TMEFF2: variants seen among roughly 807,000 people sequenced by gnomAD.
The protein encoded by TMEFF2 is transmembrane protein with EGF like and two follistatin like domains 2.
TMEFF2 carries 28 observed loss-of-function variants against 53.8 expected under a neutral mutation model. The observed-to-expected ratio is 0.52, with a 90% CI of 0.39 to 0.71. The LOEUF is 0.71. Ranked by LOEUF, TMEFF2 falls within the 30% of genes least tolerant of loss-of-function variation. TMEFF2 has a pLI of 0.00. For missense variants in TMEFF2, 353 were observed against 455.2 expected, an observed-to-expected ratio of 0.78 and a Z score of 2.04; for synonymous variants, 162 against 166.3, an observed-to-expected ratio of 0.97 and a Z score of 0.20.
chr2:192,008,121 T>C (rs1686544665), intron 5 of TMEFF2, among the ~76,000 whole-genome samples: 1 of 152,196 alleles, frequency 6.6e-6, no homozygotes, highest in Admixed American at 6.5e-5. Context: ...ATCACAACAG[T>C]GACAGCATGC....
intron 7 of TMEFF2, among the ~76,000 whole-genome samples, chr2:191,979,759 A>G (rs921485309): frequency 6.6e-6 from 1 of 152,038 alleles, no homozygotes; most frequent in African/African-American, 2.4e-5. Context: ...GAGATAAAAA[A>G]AAAAAATTAA....
At chr2:192,055,208 T>C (rs930566703) in intron 5 of TMEFF2, among the ~76,000 whole-genome samples, 18 of 152,204 alleles carry the variant, frequency 1.2e-4, no homozygotes, top group African/African-American at 4.3e-4. Context: ...CTTGATCTTA[T>C]GACTACAGAA....
chr2:192,002,872 G>T (rs1686402776), intron 5 of TMEFF2, among the ~76,000 whole-genome samples: 1 of 152,064 alleles, frequency 6.6e-6, no homozygotes, highest in Non-Finnish European at 1.5e-5. Context: ...GAAGCTTGGG[G>T]AAAAGGAAAT....
intron 5 of TMEFF2, chr2:192,031,645 G>A (rs1687140522): frequency 6.6e-6 from 1 of 152,192 alleles, no homozygotes; most frequent in Admixed American, 6.5e-5. Flanking sequence ...TAGAGAGGCT[G>A]AGGTTCAGAG....
intron 3 of TMEFF2, among the ~76,000 whole-genome samples, chr2:192,180,949 A>C (rs991497087): frequency 6.6e-6 from 1 of 151,844 alleles, no homozygotes; most frequent in East Asian, 1.9e-4. Context: ...TCAATTAACT[A>C]TTAATGTGAC....
intron 4 of TMEFF2, among the ~76,000 whole-genome samples, chr2:192,127,145 T>C (rs1689696856): frequency 6.6e-6 from 1 of 152,150 alleles, no homozygotes; most frequent in Non-Finnish European, 1.5e-5. Flanking sequence ...CCCCAAGTCA[T>C]GAAAGAATCT....
intron 5 of TMEFF2, among the ~76,000 whole-genome samples, chr2:192,035,675 C>T (rs1258192361): frequency 6.6e-6 from 1 of 152,202 alleles, no homozygotes; most frequent in Non-Finnish European, 1.5e-5. Context: ...TCTCATTCCT[C>T]AGTCCCAAAT....
At chr2:192,055,774 CAAA>C (rs71405038) in intron 5 of TMEFF2, among the ~76,000 whole-genome samples, 24 of 42,492 alleles carry the variant, frequency 5.6e-4, no homozygotes, top group South Asian at 2.6e-3. Context: ...GACTCCATCT[CAAA>C]AAAAAAAAAA....
At chr2:191,982,690 GT>G (rs1685882959) in intron 7 of TMEFF2, among the ~76,000 whole-genome samples, 1 of 152,022 alleles carries the variant, frequency 6.6e-6, no homozygotes, top group Non-Finnish European at 1.5e-5. Context: ...TATTGCTTGA[GT>G]TTCTCATGCT....
At chr2:192,054,096 C>T (rs1281714241) in intron 5 of TMEFF2, among the ~76,000 whole-genome samples, 2 of 151,892 alleles carry the variant, frequency 1.3e-5, no homozygotes, top group African/African-American at 4.8e-5. Context: ...CTAATCTTCA[C>T]AGCCGTGGCC....
At chr2:192,101,591 T>C (rs1574373459) in intron 4 of TMEFF2, among the ~76,000 whole-genome samples, 5 of 152,230 alleles carry the variant, frequency 3.3e-5, no homozygotes, top group African/African-American at 1.2e-4. Flanking sequence ...CTTTAGGTAC[T>C]GTTATTTTAT....
chr2:192,170,100 T>C (rs2106022474), intron 4 of TMEFF2, among the ~76,000 whole-genome samples: 1 of 152,230 alleles, frequency 6.6e-6, no homozygotes, highest in East Asian at 1.9e-4. Context: ...TACAGTTGTC[T>C]TTTGAGTAAC....
chr2:192,041,298 T>C (rs1018447255), intron 5 of TMEFF2, among the ~76,000 whole-genome samples: 1 of 152,296 alleles, frequency 6.6e-6, no homozygotes, highest in Admixed American at 6.5e-5. Context: ...AATTTAAGAA[T>C]AGACAAATGA....
chr2:191,976,100 C>G (rs117382717), intron 7 of TMEFF2, among the ~76,000 whole-genome samples: 1 of 152,060 alleles, frequency 6.6e-6, no homozygotes, highest in Non-Finnish European at 1.5e-5. Context: ...TGAATTTTTG[C>G]AATACTGAAA....
intron 4 of TMEFF2, among the ~76,000 whole-genome samples, chr2:192,174,209 G>A (rs111362127): frequency 1.3e-5 from 2 of 151,840 alleles, no homozygotes; most frequent in African/African-American, 4.8e-5. Flanking sequence ...CCATATGGAT[G>A]ATTCAGACAA....
intron 9 of TMEFF2, among the ~76,000 whole-genome samples, chr2:191,951,144 T>C (rs1490706879): frequency 2.0e-5 from 3 of 150,998 alleles, no homozygotes; most frequent in African/African-American, 7.3e-5. Context: ...CACGTGTGTA[T>C]ATGTGGGTTT....
At chr2:192,193,769 G>T (rs1204338363) in intron 1 of TMEFF2, among the ~76,000 whole-genome samples, 778 of 35,722 alleles carry the variant, frequency 0.022, 14 homozygotes, top group African/African-American at 0.053. Context: ...GATAGAGAGA[G>T]AGAGAGAGAG....
chr2:192,157,698 A>G, intron 4 of TMEFF2, among the ~76,000 whole-genome samples: 1 of 152,056 alleles, frequency 6.6e-6, no homozygotes, highest in Non-Finnish European at 1.5e-5. Flanking sequence ...TAATAAAAGT[A>G]TACCTGAAAA....
At chr2:192,093,447 T>C (rs1298701182) in intron 4 of TMEFF2, among the ~76,000 whole-genome samples, 2 of 152,114 alleles carry the variant, frequency 1.3e-5, no homozygotes, top group Non-Finnish European at 2.9e-5. Flanking sequence ...GTTTCAATAA[T>C]ATCCCATCTC....
Sources: allele counts gnomAD v4.1 joint callset (sites outside exome capture counted in the v4.1 genomes callset), GRCh38; gene constraint gnomAD v4.1.1; transcripts MANE v1.5; gene names NCBI Gene and HGNC (gene_info 2026-07-23, HGNC 2026-07-21).